Variants in TMEM17 observed in about 807,000 individuals in gnomAD.
TMEM17 encodes transmembrane protein 17.
In TMEM17, 15 loss-of-function variants were observed where a neutral mutation model predicts 19.1. The observed-to-expected ratio is 0.78, with a 90% confidence interval of 0.52 to 1.21. The LOEUF is 1.21. Ranked by LOEUF, TMEM17 falls within the 50% of genes most tolerant of loss-of-function variation. The pLI is 0.00. For synonymous variants in TMEM17, 103 were observed against 86.9 expected (o/e 1.19, Z -1.03); for missense variants, 245 against 242.3 (o/e 1.01, Z -0.07).
the TMEM17 span, among the ~76,000 whole-genome samples, chr2:62,462,294 T>G: frequency 2.8e-4 from 43 of 152,206 alleles, no homozygotes; most frequent in African/African-American, 9.4e-4. Flanking sequence ...TAAAGATGAA[T>G]GAGGAACATG....
the TMEM17 span, among the ~76,000 whole-genome samples, chr2:62,475,730 C>T: frequency 1.3e-5 from 2 of 152,204 alleles, no homozygotes; most frequent in African/African-American, 4.8e-5. Flanking sequence ...CAGTGTCGGG[C>T]TCGCTGACAG....
At chr2:62,464,788 G>T in the TMEM17 span, among the ~76,000 whole-genome samples, 2 of 152,128 alleles carry the variant, frequency 1.3e-5, no homozygotes, top group African/African-American at 4.8e-5. Flanking sequence ...GTGTTAATTG[G>T]TTGGGCCAGA....
chr2:62,483,342 C>G, the TMEM17 span, among the ~76,000 whole-genome samples: 1 of 152,158 alleles, frequency 6.6e-6, no homozygotes, highest in Non-Finnish European at 1.5e-5. Context: ...GCAAAAGTCG[C>G]TAGATTTTGA....
the TMEM17 span, among the ~76,000 whole-genome samples, chr2:62,457,550 A>G: frequency 6.7e-6 from 1 of 149,148 alleles, no homozygotes; most frequent in Non-Finnish European, 1.5e-5. The surrounding 1 kb of genome is among the most constrained non-coding windows in gnomAD (Gnocchi z 4.2). Context: ...ATTTGGAATG[A>G]GCTTCTTACC....
At chr2:62,459,068 G>A in the TMEM17 span, among the ~76,000 whole-genome samples, 1 of 152,162 alleles carries the variant, frequency 6.6e-6, no homozygotes, top group South Asian at 2.1e-4. Context: ...TGGGTCATGT[G>A]GTTTCCTTGC....
the TMEM17 span, among the ~76,000 whole-genome samples, chr2:62,460,258 T>C: frequency 6.6e-6 from 1 of 152,284 alleles, no homozygotes; most frequent in African/African-American, 2.4e-5. Context: ...TTACAGATGA[T>C]GGAATTGAGG....
chr2:62,502,569 C>T lies in TMEM17; in HGVS notation c.205-19G>A, dbSNP rs200997882. The T allele has an allele frequency of 5.4e-5, 83 of 1,541,048 alleles. 1 individual carries two copies. In the South Asian group the frequency reaches 8.0e-4, roughly 15 times the overall value. On this transcript the variant is annotated intron_variant, in intron 2 of 3. Transcript: ENST00000335390. ...TTGAATACTAAAAGAAAAGCCAAAA[C>T]ATGTTTGTAAAATCTCATGTATAGT... is the stretch of plus-strand genomic sequence containing the variant.
the TMEM17 span, among the ~76,000 whole-genome samples, chr2:62,477,074 C>T: frequency 2.0e-4 from 31 of 152,224 alleles, no homozygotes; most frequent in African/African-American, 6.3e-4. Flanking sequence ...AGGCCATTGC[C>T]GAGCAACTGC....
At chr2:62,502,830 C>A (rs1216797686) in intron 1 of TMEM17, 36 bp from the exon 2 acceptor site, 6 of 1,402,204 alleles carry the variant, frequency 4.3e-6, no homozygotes, top group South Asian at 1.3e-5. Flanking sequence ...AATGATGAAT[C>A]TTGGGTTTAT....
At chr2:62,478,633 T>C in the TMEM17 span, among the ~76,000 whole-genome samples, 1 of 152,232 alleles carries the variant, frequency 6.6e-6, no homozygotes, top group Non-Finnish European at 1.5e-5. Context: ...GCCACTGACC[T>C]TGGGTAAGTC....
the TMEM17 span, among the ~76,000 whole-genome samples, chr2:62,457,036 G>A: frequency 2.0e-5 from 3 of 151,786 alleles, no homozygotes; most frequent in Non-Finnish European, 4.4e-5. The surrounding 1 kb of genome is among the most constrained non-coding windows in gnomAD (Gnocchi z 4.2). Context: ...CCCCTTTCCC[G>A]GGGCGGGCAC....
the TMEM17 span, among the ~76,000 whole-genome samples, chr2:62,482,262 C>G: frequency 1.3e-5 from 2 of 152,196 alleles, no homozygotes; most frequent in African/African-American, 4.8e-5. Flanking sequence ...TACAAAGCCA[C>G]CACATGTCCT....
chr2:62,492,859 A>C, the TMEM17 span, among the ~76,000 whole-genome samples: 18,400 of 152,242 alleles, frequency 0.12, 1,215 homozygotes, highest in East Asian at 0.15. Context: ...TCAGGCAGAC[A>C]GAGCAGTTTG....
chr2:62,489,628 T>C, the TMEM17 span, among the ~76,000 whole-genome samples: 1 of 152,160 alleles, frequency 6.6e-6, no homozygotes, highest in Non-Finnish European at 1.5e-5. Flanking sequence ...GGCAAGAGCT[T>C]ACTGGGGGCT....
At chr2:62,485,719 C>T in the TMEM17 span, among the ~76,000 whole-genome samples, 37 of 152,246 alleles carry the variant, frequency 2.4e-4, no homozygotes, top group African/African-American at 8.7e-4. Context: ...ATGTGAAAAC[C>T]TACTGAAAGT....
chr2:62,464,709 G>A, the TMEM17 span, among the ~76,000 whole-genome samples: 20 of 152,284 alleles, frequency 1.3e-4, no homozygotes, highest in Admixed American at 2.6e-4. Flanking sequence ...ATTCAAATCC[G>A]TCTCCCGGAG....
chr2:62,470,818 T>A, the TMEM17 span, among the ~76,000 whole-genome samples: 1 of 152,228 alleles, frequency 6.6e-6, no homozygotes, highest in African/African-American at 2.4e-5. Flanking sequence ...CAGGTCAACT[T>A]CATTTTCTCT....
chr2:62,502,831 T>TTGGGTTTA, intron 1 of TMEM17, 37 bp from the exon 2 acceptor site: 1 of 1,350,138 alleles, frequency 7.4e-7, no homozygotes, highest in Non-Finnish European at 1.0e-6. Flanking sequence ...ATGATGAATC[T>TTGGGTTTA]TGGGTTTATG....
chr2:62,501,582 T>C (rs772903354), intron 3 of TMEM17, 95 bp from the exon 4 acceptor site: 186 of 1,231,802 alleles, frequency 1.5e-4, no homozygotes, highest in Non-Finnish European at 1.9e-4. Context: ...TGAACCTACA[T>C]TATGGGCTCT....
Sources: gnomAD v4.1 joint callset for allele counts (sites outside exome capture counted in the v4.1 genomes callset) on GRCh38, gnomAD v4.1.1 for gene constraint, Gnocchi (gnomAD v3.1) non-coding constraint, MANE v1.5 for transcripts, NCBI Gene and HGNC (gene_info 2026-07-23, HGNC 2026-07-21) for gene names.